GADL1: variants seen among roughly 807,000 people sequenced by gnomAD.
The protein encoded by GADL1 is acidic amino acid decarboxylase GADL1.
GADL1 carries 71 observed loss-of-function variants against 69.5 expected under a neutral mutation model. That is an observed-to-expected ratio of 1.02 (90% confidence interval 0.84 to 1.25). GADL1 has a LOEUF of 1.25. Among genes scored for constraint, GADL1 ranks in the 50% most tolerant of loss-of-function variants. The pLI, the probability that GADL1 is intolerant of heterozygous loss-of-function variation, is 0.00. For synonymous variants in GADL1, 254 were observed against 214.4 expected (o/e 1.18, Z -1.62); for missense variants, 737 against 631.8 (o/e 1.17, Z -1.79).
At chr3:30,777,877 C>T (rs567963429) in intron 14 of GADL1, among the ~76,000 whole-genome samples, 1 of 152,292 alleles carries the variant, frequency 6.6e-6, no homozygotes, top group East Asian at 1.9e-4. Flanking sequence ...AATAAATAGT[C>T]ATTCATCACA....
At chr3:30,773,901 G>A (rs1158564762) in intron 14 of GADL1, among the ~76,000 whole-genome samples, 1 of 152,054 alleles carries the variant, frequency 6.6e-6, no homozygotes, top group Non-Finnish European at 1.5e-5. Flanking sequence ...ATCTCCTGAC[G>A]CTCACCAACA....
intron 1 of GADL1, among the ~76,000 whole-genome samples, chr3:30,863,271 TAG>T (rs1559364215): frequency 2.6e-5 from 4 of 151,960 alleles, no homozygotes; most frequent in Admixed American, 1.3e-4. Context: ...ATTTTCTACA[TAG>T]AGAGTGATAG....
In GADL1 at chr3:30,894,645, C is replaced by A. The variant is rs1204657907; in HGVS notation, c.-31G>T. ...CTCCCCCACTCCAGGCTGCCCCGGG[C>A]GCGGCTCCCGCAGTCTGGGCGGCGA... On this transcript the variant is annotated 5_prime_UTR_variant, in exon 1 of 15. Coordinates refer to ENST00000282538, the MANE Select transcript of GADL1 (RefSeq NM_207359.3). The A allele has an allele frequency of 1.3e-6, 2 of 1,547,702 alleles. No homozygotes were observed. Among genetic ancestry groups the A allele is most frequent in the South Asian group, 1.2e-5 (1 of 83,828 alleles).
At chr3:30,744,057 T>C (rs1235238932) in intron 14 of GADL1, among the ~76,000 whole-genome samples, 1 of 152,084 alleles carries the variant, frequency 6.6e-6, no homozygotes, top group African/African-American at 2.4e-5. Context: ...ACCATTGAGA[T>C]TTGGCTGGGA....
intron 12 of GADL1, among the ~76,000 whole-genome samples, chr3:30,795,833 G>T (rs138907123): frequency 2.4e-3 from 358 of 152,254 alleles, no homozygotes; most frequent in African/African-American, 8.3e-3. Flanking sequence ...TAGACTGTTG[G>T]ATATCAAGAG....
rs550079682 is a variant in GADL1 at position 30,807,055 on chromosome 3, C to G, written c.1051-5967G>C. Among the ~76,000 whole-genome samples, 29 of 152,230 alleles carry G rather than the reference C, an allele frequency of 1.9e-4. No homozygotes were observed. In the South Asian group the frequency reaches 5.6e-3, roughly 30 times the overall value. On this transcript the variant is annotated intron_variant, in intron 11 of 14. Transcript: ENST00000282538. ...TCTTGGGCTTCATTTTTCTCATTGG[C>G]CTAATGAAAATGCTGTTACTTGTTC...
chr3:30,885,475 G>T (rs757070030), intron 1 of GADL1, among the ~76,000 whole-genome samples: 3 of 151,560 alleles, frequency 2.0e-5, no homozygotes, highest in Non-Finnish European at 4.4e-5. Context: ...CAAAACAAAA[G>T]CTTCATCCCC....
chr3:30,769,112 T>C (rs1466744965), intron 14 of GADL1, among the ~76,000 whole-genome samples: 2 of 152,160 alleles, frequency 1.3e-5, no homozygotes. Flanking sequence ...CTGTACTTTA[T>C]TTTCTCTAAA....
chr3:30,890,363 C>A (rs1266409072), intron 1 of GADL1, among the ~76,000 whole-genome samples: 2 of 152,056 alleles, frequency 1.3e-5, no homozygotes, highest in East Asian at 1.9e-4. Flanking sequence ...GTGTTCCATA[C>A]CCTCATAGAC....
At chr3:30,879,956 A>T (rs970012879) in intron 1 of GADL1, among the ~76,000 whole-genome samples, 2 of 151,908 alleles carry the variant, frequency 1.3e-5, no homozygotes, top group Non-Finnish European at 2.9e-5. Flanking sequence ...TCTAAACAGT[A>T]ACTGCCTTTC....
intron 13 of GADL1, among the ~76,000 whole-genome samples, chr3:30,779,313 T>C (rs1696606623): frequency 6.6e-6 from 1 of 152,242 alleles, no homozygotes; most frequent in Non-Finnish European, 1.5e-5. Flanking sequence ...TTGAACTGAT[T>C]TTCATTTTCT....
intron 13 of GADL1, among the ~76,000 whole-genome samples, chr3:30,780,607 A>T (rs939963850): frequency 1.3e-5 from 2 of 152,218 alleles, no homozygotes; most frequent in African/African-American, 4.8e-5. Flanking sequence ...TTTCATTTGC[A>T]TAGGAACATT....
intron 11 of GADL1, among the ~76,000 whole-genome samples, chr3:30,832,339 T>TA (rs72276746): frequency 0.029 from 3,998 of 139,096 alleles, 122 homozygotes; most frequent in African/African-American, 0.081. Context: ...ATGAATTCTT[T>TA]AAAAAAAAAA....
At chr3:30,832,003 T>C (rs1697800481) in intron 11 of GADL1, among the ~76,000 whole-genome samples, 1 of 151,964 alleles carries the variant, frequency 6.6e-6, no homozygotes, top group Non-Finnish European at 1.5e-5. Flanking sequence ...TATAAGAGCC[T>C]AGACTCGCAC....
intron 14 of GADL1, among the ~76,000 whole-genome samples, chr3:30,762,055 G>T (rs1326978006): frequency 6.6e-6 from 1 of 152,188 alleles, no homozygotes; most frequent in East Asian, 1.9e-4. Flanking sequence ...AGGTCTGGAT[G>T]CAGGAGACAG....
intron 11 of GADL1, among the ~76,000 whole-genome samples, chr3:30,807,051 T>C (rs559021831): frequency 1.3e-5 from 2 of 152,352 alleles, no homozygotes; most frequent in South Asian, 4.2e-4. Flanking sequence ...ATTTTTCTCA[T>C]TGGCCTAATG....
At chr3:30,753,775 G>GT (rs1170384496) in intron 14 of GADL1, among the ~76,000 whole-genome samples, 1 of 152,168 alleles carries the variant, frequency 6.6e-6, no homozygotes, top group Non-Finnish European at 1.5e-5. Flanking sequence ...AAATACATGT[G>GT]TTCCTATGCA....
At position 30,867,873 on chromosome 3, in the gene GADL1, C is replaced by T. The variant is rs77515865; in HGVS notation, c.38-6108G>A. ...ACGTGGAAGACACCAATAAAATATG[C>T]TGAATGTAAACAATGTAGACATTTG... On this transcript the variant is annotated intron_variant, in intron 1 of 14. Coordinates refer to ENST00000282538, the MANE Select transcript of GADL1 (RefSeq NM_207359.3). Among the ~76,000 whole-genome samples the T allele has an allele frequency of 8.6e-3, 1,301 of 152,062 alleles. 12 individuals carry two copies. The highest frequency in any genetic ancestry group is 0.029 in the African/African-American group (1,204 of 41,514).
intron 14 of GADL1, among the ~76,000 whole-genome samples, chr3:30,744,764 A>T (rs937276842): frequency 2.6e-5 from 4 of 152,184 alleles, no homozygotes; most frequent in African/African-American, 4.8e-5. Context: ...TTTGCAGGCC[A>T]TACAGTTTCT....
Sources: gnomAD v4.1 joint callset for allele counts (sites outside exome capture counted in the v4.1 genomes callset) on GRCh38, gnomAD v4.1.1 for gene constraint, MANE v1.5 for transcripts, NCBI Gene and HGNC (gene_info 2026-07-23, HGNC 2026-07-21) for gene names.